Variants in LYPLAL1 observed in about 807,000 individuals in gnomAD.
LYPLAL1 encodes lysophospholipase-like protein 1.
Under a neutral mutation model 19.7 loss-of-function variants are expected in LYPLAL1, and 23 were observed. The observed-to-expected ratio is 1.17, with a 90% CI of 0.84 to 1.65. The LOEUF is 1.65. Ranked by LOEUF, LYPLAL1 falls within the 40% of genes most tolerant of loss-of-function variation. The pLI, the probability that LYPLAL1 is intolerant of heterozygous loss-of-function variation, is 0.00. For synonymous variants in LYPLAL1, 119 were observed against 96.3 expected (o/e 1.24, Z -1.38); for missense variants, 355 against 279.4 (o/e 1.27, Z -1.93).
the LYPLAL1 span, among the ~76,000 whole-genome samples, chr1:219,336,821 TAG>T: frequency 2.0e-5 from 3 of 151,980 alleles, no homozygotes; most frequent in African/African-American, 7.2e-5. Flanking sequence ...CTGAATTCAG[TAG>T]AGTAAAAGAA....
chr1:219,229,855 T>A, the LYPLAL1 span, among the ~76,000 whole-genome samples: 1 of 152,150 alleles, frequency 6.6e-6, no homozygotes, highest in African/African-American at 2.4e-5. Context: ...AAACTAATAT[T>A]ATCAAGGTCC....
the LYPLAL1 span, among the ~76,000 whole-genome samples, chr1:219,282,696 A>C: frequency 6.6e-6 from 1 of 152,208 alleles, no homozygotes; most frequent in Non-Finnish European, 1.5e-5. Flanking sequence ...TCTGAGTGAC[A>C]GTGATTTTCA....
chr1:219,267,664 T>G, the LYPLAL1 span, among the ~76,000 whole-genome samples: 1 of 152,224 alleles, frequency 6.6e-6, no homozygotes, highest in African/African-American at 2.4e-5. Flanking sequence ...TCACTAAATA[T>G]TTGTTCCCAT....
chr1:219,380,614 T>A, the LYPLAL1 span, among the ~76,000 whole-genome samples: 1 of 152,220 alleles, frequency 6.6e-6, no homozygotes, highest in Non-Finnish European at 1.5e-5. Context: ...CCGCTGTAAC[T>A]TGCCTCGAAG....
the LYPLAL1 span, among the ~76,000 whole-genome samples, chr1:219,264,678 A>G: frequency 6.6e-6 from 1 of 151,976 alleles, no homozygotes; most frequent in East Asian, 1.9e-4. Context: ...CTTTTCTCCT[A>G]TTTGGTTTTC....
At chr1:219,395,093 A>C in the LYPLAL1 span, among the ~76,000 whole-genome samples, 129 of 152,358 alleles carry the variant, frequency 8.5e-4, 1 homozygote, top group African/African-American at 3.1e-3. Context: ...ATATGTGTGC[A>C]TGTGTCTTTA....
At chr1:219,343,719 T>C in the LYPLAL1 span, among the ~76,000 whole-genome samples, 4 of 152,176 alleles carry the variant, frequency 2.6e-5, no homozygotes, top group South Asian at 4.1e-4. Context: ...TTCATTGTGC[T>C]TTACTTCACT....
At chr1:219,345,259 T>A in the LYPLAL1 span, among the ~76,000 whole-genome samples, 1 of 152,192 alleles carries the variant, frequency 6.6e-6, no homozygotes, top group Non-Finnish European at 1.5e-5. Context: ...AATTAATATC[T>A]TGTATTTTTC....
At chr1:219,234,270 C>T in the LYPLAL1 span, among the ~76,000 whole-genome samples, 1 of 152,028 alleles carries the variant, frequency 6.6e-6, no homozygotes, top group Non-Finnish European at 1.5e-5. Flanking sequence ...AATATTTTTG[C>T]TTCAAATCAA....
In LYPLAL1 at chr1:219,197,977, T is replaced by C. The variant is rs143023051; in HGVS notation, c.361+4726T>C. The stretch of plus-strand genomic sequence containing the variant: ...CCCATAAACCTCAAAAAAAGTCACC[T>C]GGGAGAAAAATATAACACAAGACTT... On this transcript the variant is annotated intron_variant, in intron 3 of 4. Transcript: ENST00000366928. Among the ~76,000 whole-genome samples, 16 of 152,260 alleles carry C rather than the reference T, an allele frequency of 1.1e-4. No individual in the cohort carries two copies. The East Asian group carries it at 2.7e-3, about 26-fold the overall frequency.
chr1:219,392,333 G>A, the LYPLAL1 span, among the ~76,000 whole-genome samples: 1 of 152,148 alleles, frequency 6.6e-6, no homozygotes, highest in Non-Finnish European at 1.5e-5. Context: ...TGCAATGAAA[G>A]GTTATTACTA....
chr1:219,275,245 C>T, the LYPLAL1 span, among the ~76,000 whole-genome samples: 1 of 152,246 alleles, frequency 6.6e-6, no homozygotes, highest in East Asian at 1.9e-4. Flanking sequence ...TGTCCTTGGC[C>T]CCAGTGTCTG....
the LYPLAL1 span, among the ~76,000 whole-genome samples, chr1:219,321,704 A>T: frequency 6.6e-6 from 1 of 152,200 alleles, no homozygotes; most frequent in Non-Finnish European, 1.5e-5. Flanking sequence ...TAGTGATAGC[A>T]TAAACCAGAT....
chr1:219,261,560 G>A, the LYPLAL1 span, among the ~76,000 whole-genome samples: 1 of 152,170 alleles, frequency 6.6e-6, no homozygotes, highest in Admixed American at 6.5e-5. Flanking sequence ...TGCTGGCTTG[G>A]TAGTGGCAAA....
At chr1:219,347,711 T>C in the LYPLAL1 span, among the ~76,000 whole-genome samples, 1 of 152,218 alleles carries the variant, frequency 6.6e-6, no homozygotes, top group South Asian at 2.1e-4. Flanking sequence ...CATTACTTTC[T>C]TCTCACATGT....
chr1:219,322,797 G>A, the LYPLAL1 span, among the ~76,000 whole-genome samples: 1 of 152,170 alleles, frequency 6.6e-6, no homozygotes. Context: ...GAGCATCAAT[G>A]TGTGTTCAAA....
chr1:219,375,803 G>A, the LYPLAL1 span, among the ~76,000 whole-genome samples: 741 of 149,962 alleles, frequency 4.9e-3, 6 homozygotes, highest in African/African-American at 0.017. Flanking sequence ...GTACAGTGGC[G>A]CGATCTCAGC....
At chr1:219,287,628 C>T in the LYPLAL1 span, among the ~76,000 whole-genome samples, 8 of 152,150 alleles carry the variant, frequency 5.3e-5, no homozygotes, top group Admixed American at 3.9e-4. Flanking sequence ...AAGTCTCATT[C>T]GTCACTGGGA....
the LYPLAL1 span, among the ~76,000 whole-genome samples, chr1:219,308,291 A>G: frequency 6.6e-6 from 1 of 152,226 alleles, no homozygotes; most frequent in Non-Finnish European, 1.5e-5. Context: ...TTAAAAGGGA[A>G]GCATAATATA....
Sources: allele counts gnomAD v4.1 joint callset (sites outside exome capture counted in the v4.1 genomes callset), GRCh38; gene constraint gnomAD v4.1.1; transcripts MANE v1.5; gene names NCBI Gene and HGNC (gene_info 2026-07-23, HGNC 2026-07-21).